Variants in CCDC178 observed in about 807,000 individuals in gnomAD.
CCDC178 encodes coiled-coil domain-containing protein 178.
A neutral mutation model predicts 117.4 loss-of-function variants in CCDC178; 126 were observed. The observed-to-expected ratio is 1.07, with a 90% CI of 0.93 to 1.24. CCDC178 has a LOEUF of 1.24. Ranked by LOEUF, CCDC178 falls within the 50% of genes most tolerant of loss-of-function variation. The probability of loss-of-function intolerance (pLI) is 0.00; values close to 1 mark genes in which losing one functional copy is unlikely to be tolerated. For missense variants in CCDC178, 1,030 were observed against 986.9 expected (o/e 1.04, Z -0.59); for synonymous variants, 283 against 313.4 (o/e 0.90, Z 1.02).
chr18:33,062,995 G>C (rs2056950646), intron 21 of CCDC178, among the ~76,000 whole-genome samples: 1 of 152,136 alleles, frequency 6.6e-6, no homozygotes, highest in Non-Finnish European at 1.5e-5. Context: ...ATTCAGCAGA[G>C]CCTGATAGCC....
chr18:33,212,122 G>T, intron 19 of CCDC178, 67 bp from the exon 20 acceptor site: 1 of 1,273,054 alleles, frequency 7.9e-7, no homozygotes, highest in South Asian at 1.5e-5. Context: ...GCATTTATGA[G>T]ACATTTTAAA....
intron 21 of CCDC178, among the ~76,000 whole-genome samples, chr18:33,070,813 T>C (rs978950144): frequency 6.6e-6 from 1 of 152,078 alleles, no homozygotes; most frequent in Admixed American, 6.6e-5. Flanking sequence ...CAATACAAAT[T>C]GGTTAAAATC....
At chr18:33,052,529 C>T (rs1023818825) in intron 21 of CCDC178, among the ~76,000 whole-genome samples, 8 of 152,004 alleles carry the variant, frequency 5.3e-5, no homozygotes, top group Admixed American at 2.0e-4. Context: ...TCAAAAGAGC[C>T]GCATTTAGAG....
chr18:33,279,981 C>T (rs1390201733), intron 12 of CCDC178, among the ~76,000 whole-genome samples: 2 of 151,812 alleles, frequency 1.3e-5, no homozygotes, highest in Admixed American at 6.6e-5. Flanking sequence ...AAATATTAGA[C>T]CTAAAACCAT....
chr18:33,186,268 A>G (rs138851963), intron 20 of CCDC178, among the ~76,000 whole-genome samples: 2,027 of 152,166 alleles, frequency 0.013, 20 homozygotes, highest in Non-Finnish European at 0.02. Flanking sequence ...AAGCTGCCTT[A>G]CATGAGTAAA....
At chr18:32,978,905 C>T (rs917389406) in intron 21 of CCDC178, among the ~76,000 whole-genome samples, 2 of 151,804 alleles carry the variant, frequency 1.3e-5, no homozygotes, top group Non-Finnish European at 1.5e-5. Context: ...GGCGCGGTGG[C>T]GGTTGCCTAT....
At chr18:33,218,632 G>C (rs569140352) in intron 18 of CCDC178, among the ~76,000 whole-genome samples, 1 of 152,116 alleles carries the variant, frequency 6.6e-6, no homozygotes, top group East Asian at 1.9e-4. Context: ...TTTTGTATAA[G>C]GTATAAGGAA....
chr18:33,344,514 CT>C (rs973078620), intron 9 of CCDC178, among the ~76,000 whole-genome samples: 8 of 151,936 alleles, frequency 5.3e-5, no homozygotes, highest in African/African-American at 1.9e-4. Context: ...TATTAAGTAC[CT>C]ATAATGTGCA....
intron 21 of CCDC178, among the ~76,000 whole-genome samples, chr18:33,062,713 T>A (rs114972433): frequency 6.6e-6 from 1 of 151,946 alleles, no homozygotes; most frequent in Non-Finnish European, 1.5e-5. Flanking sequence ...TTGTGCTGGG[T>A]CCCACACATT....
chr18:33,200,791 C>T lies in CCDC178; in HGVS notation c.2238+11105G>A, dbSNP rs1359568924. ...TAATTCAAGAAAAGTACTTGTTACA[C>T]CTTATTTTAATTGGCTTGTGCCTGT... is the stretch of plus-strand genomic sequence containing the variant. On this transcript the variant is annotated intron_variant, in intron 20 of 22. Transcript: ENST00000383096. Among the ~76,000 whole-genome samples the T allele has an allele frequency of 2.0e-5, 3 of 152,146 alleles. No homozygotes were observed. In the East Asian group the frequency reaches 5.8e-4, roughly 29 times the overall value.
At chr18:33,007,041 T>C (rs2055765896) in intron 21 of CCDC178, among the ~76,000 whole-genome samples, 1 of 152,088 alleles carries the variant, frequency 6.6e-6, no homozygotes, top group African/African-American at 2.4e-5. Context: ...AATGAATGTA[T>C]TATATGTTAA....
At chr18:33,247,509 G>A (rs1309027646) in intron 14 of CCDC178, among the ~76,000 whole-genome samples, 11 of 151,784 alleles carry the variant, frequency 7.2e-5, no homozygotes, top group Non-Finnish European at 1.0e-4. Context: ...GACAAAGAGA[G>A]TTTTGGATTA....
In CCDC178 at chr18:33,434,547, A is replaced by G. The variant is rs538088217; in HGVS notation, c.-23+5415T>C. On this transcript the variant is annotated intron_variant, in intron 2 of 22. Transcript: ENST00000383096. The stretch of plus-strand genomic sequence containing the variant: ...CACAGTCAGTCCCCAGAAATGACAC[A>G]GTTTGATGGAACTGTCTAGAGCCAG... Among the ~76,000 whole-genome samples, 6 of 152,274 alleles carry G rather than the reference A, an allele frequency of 3.9e-5. No individual in the cohort carries two copies. In the East Asian group the frequency reaches 1.2e-3, roughly 29 times the overall value.
intron 21 of CCDC178, among the ~76,000 whole-genome samples, chr18:32,979,781 G>A (rs1449877188): frequency 6.6e-6 from 1 of 152,150 alleles, no homozygotes; most frequent in East Asian, 1.9e-4. Context: ...TGTGAAACAA[G>A]AGAACAAGCC....
intron 12 of CCDC178, among the ~76,000 whole-genome samples, chr18:33,281,062 C>T (rs965130346): frequency 6.6e-6 from 1 of 150,854 alleles, no homozygotes; most frequent in African/African-American, 2.5e-5. Flanking sequence ...TGTAACTAAC[C>T]TGCACATTGT....
At chr18:33,253,638 A>C (rs2059642611) in intron 14 of CCDC178, among the ~76,000 whole-genome samples, 2 of 151,966 alleles carry the variant, frequency 1.3e-5, no homozygotes, top group Admixed American at 1.3e-4. Flanking sequence ...GAGATGGAGA[A>C]TTAAGTTAAA....
chr18:33,365,642 A>G (rs1376170299), intron 6 of CCDC178, among the ~76,000 whole-genome samples: 1 of 152,048 alleles, frequency 6.6e-6, no homozygotes, highest in Non-Finnish European at 1.5e-5. Flanking sequence ...AATTTTGTAC[A>G]ATATATTGTT....
rs140707449 is a variant in CCDC178, at chr18:33,267,001, T to C, written c.1324A>G (p.Ile442Val). ...LSDVAKDFSA[I>V]SLACTKLTED... is the part of the protein sequence containing the mutation. The stretch of plus-strand genomic sequence containing the variant: ...GTCAGTTTTGTACATGCCAAAGAAA[T>C]AGCTGAAAAATCTTTTGCAACATCA... Residue 442 changes from isoleucine to valine, a missense_variant, in exon 14 of 23, where the codon ATT becomes GTT. By Grantham distance (29) the Ile-to-Val change is conservative. Coordinates refer to ENST00000383096, the MANE Select transcript of CCDC178 (RefSeq NM_001105528.4). 198 of 1,601,140 alleles carry C rather than the reference T, an allele frequency of 1.2e-4. No homozygotes were observed. The highest frequency in any genetic ancestry group is 1.7e-4 in the Middle Eastern group (1 of 5,996).
At position 33,083,363 on chromosome 18, in the gene CCDC178, A is replaced by C. The variant is rs2057327144; in HGVS notation, c.2388+9398T>G. Among the ~76,000 whole-genome samples, 4 of 152,246 alleles carry C rather than the reference A, an allele frequency of 2.6e-5. 1 individual carries two copies. The South Asian group carries it at 8.3e-4, about 31-fold the overall frequency. On this transcript the variant is annotated intron_variant, in intron 21 of 22. Transcript: ENST00000383096. ...TGTTCCTTAGAGATAAAGGGTATGAATACATTAAAGCTCTTGCTATATGTT... is the reference window on the plus strand; with the variant it reads ...TGTTCCTTAGAGATAAAGGGTATGACTACATTAAAGCTCTTGCTATATGTT...
Sources: allele counts gnomAD v4.1 joint callset (sites outside exome capture counted in the v4.1 genomes callset), GRCh38; gene constraint gnomAD v4.1.1; transcripts MANE v1.5; gene names NCBI Gene and HGNC (gene_info 2026-07-23, HGNC 2026-07-21).